Variants in ASB2 observed in about 807,000 individuals in gnomAD.
ASB2 encodes the protein ankyrin repeat and SOCS box containing 2, also known as ankyrin repeat and SOCS box protein 2.
Under a neutral mutation model 62.4 loss-of-function variants are expected in ASB2, and 58 were observed. That is an observed-to-expected ratio of 0.93 (90% CI 0.75 to 1.16). The LOEUF (loss-of-function observed/expected upper bound fraction) is 1.16. Ranked by LOEUF, ASB2 falls within the 50% of genes most tolerant of loss-of-function variation. The pLI is 0.00. For synonymous variants in ASB2, 386 were observed against 385.3 expected, an observed-to-expected ratio of 1.00 and a Z score of -0.02; for missense variants, 928 against 887.9, an observed-to-expected ratio of 1.05 and a Z score of -0.57.
In ASB2 at chr14:93,946,973, G is replaced by A. The variant is rs138882411; in HGVS notation, c.1052+376C>T. 7.2e-5 allele frequency among the ~76,000 whole-genome samples: 11 copies of A among 152,312 alleles called. No individual in the cohort carries two copies. In the East Asian group the frequency reaches 1.7e-3, roughly 24 times the overall value. On this transcript the variant is annotated intron_variant, in intron 7 of 9. Transcript: ENST00000555019. ...GAGCAGGTGAGTACCTGCCGCCTAT[G>A]AGCTGTGTGACCTTGGGCAAGTCAC... is the stretch of plus-strand genomic sequence containing the variant.
chr14:93,944,726 G>A (rs184411725), intron 7 of ASB2, among the ~76,000 whole-genome samples: 3 of 152,196 alleles, frequency 2.0e-5, no homozygotes, highest in Non-Finnish European at 2.9e-5. Context: ...AATGGGGCCC[G>A]GGGGTGGAGG....
chr14:93,946,618 C>T (rs73337620), intron 7 of ASB2, among the ~76,000 whole-genome samples: 2,910 of 152,302 alleles, frequency 0.019, 105 homozygotes, highest in African/African-American at 0.066. Flanking sequence ...CCTCTAGCCC[C>T]GGCTCGTCTG....
intron 1 of ASB2, among the ~76,000 whole-genome samples, chr14:93,965,777 T>G (rs1481672979): frequency 6.6e-6 from 1 of 152,272 alleles, no homozygotes; most frequent in Non-Finnish European, 1.5e-5. Flanking sequence ...GGTCTCAATA[T>G]GCATGACTTG....
At chr14:93,939,738 C>A (rs1888445310) in intron 7 of ASB2, 66 bp from the exon 8 acceptor site, 1 of 1,256,374 alleles carries the variant, frequency 8.0e-7, no homozygotes, top group Non-Finnish European at 1.0e-6. Context: ...GGGCCGGCCC[C>A]GCCAGCAGGA....
intron 3 of ASB2, among the ~76,000 whole-genome samples, chr14:93,956,189 C>T (rs186248945): frequency 0.011 from 1,730 of 152,250 alleles, 14 homozygotes; most frequent in Non-Finnish European, 0.018. Flanking sequence ...TTCTAAGGAG[C>T]GCATTAGCCC....
intron 5 of ASB2, among the ~76,000 whole-genome samples, chr14:93,952,539 T>C (rs959049149): frequency 2.6e-5 from 4 of 152,240 alleles, no homozygotes; most frequent in African/African-American, 9.6e-5. Flanking sequence ...AGACCCCAGC[T>C]GATTGCTTCA....
chr14:93,955,287 C>T (rs1889145270), intron 3 of ASB2: 1 of 401,194 alleles, frequency 2.5e-6, no homozygotes, highest in Non-Finnish European at 5.0e-6. Flanking sequence ...GTCTCTGCCA[C>T]CAGCCCCTGC....
intron 6 of ASB2, among the ~76,000 whole-genome samples, chr14:93,949,479 A>G (rs1888868173): frequency 6.6e-6 from 1 of 152,346 alleles, no homozygotes; most frequent in African/African-American, 2.4e-5. Flanking sequence ...CTCTCAGCGC[A>G]GTGCCTGCCA....
chr14:93,957,142 T>TC (rs1889254762), intron 2 of ASB2: 1 of 801,200 alleles, frequency 1.2e-6, no homozygotes, highest in African/African-American at 2.0e-5. Context: ...CACCCCCCGG[T>TC]CCCCCTCCCC....
chr14:93,943,779 G>T (rs1379670164), intron 7 of ASB2: 1 of 357,740 alleles, frequency 2.8e-6, no homozygotes, highest in East Asian at 7.4e-5. Context: ...TGAGCTCTGA[G>T]CCTCAGTTTC....
chr14:93,956,908 A>G lies in ASB2; in HGVS notation c.207-38T>C, dbSNP rs1380535951. On this transcript the variant is annotated intron_variant, in intron 2 of 9. Coordinates refer to ENST00000555019, the MANE Select transcript of ASB2 (RefSeq NM_001202429.2). The stretch of plus-strand genomic sequence containing the variant: ...GAGCAGGAGTGAAAGAGGGAAAAGT[A>G]CTCTGCATAGGAGAAGCGGGTCATG... 3 of 1,613,796 alleles carry G rather than the reference A, an allele frequency of 1.9e-6. No individual in the cohort carries two copies. The African/African-American group carries it at 4.0e-5, about 22-fold the overall frequency.
In ASB2 at chr14:93,975,622, C is replaced by T. The variant is rs183093006; in HGVS notation, c.-74+812G>A. Reference sequence around the variant, plus strand: ...TCTTGCTTGGCCTGGAAGGATGTGCCTCTCCCTCTGGCCTCCCCTTCTAGC... The same window carrying T: ...TCTTGCTTGGCCTGGAAGGATGTGCTTCTCCCTCTGGCCTCCCCTTCTAGC... On this transcript the variant is annotated intron_variant, in intron 1 of 9. Coordinates refer to ENST00000555019, the MANE Select transcript of ASB2 (RefSeq NM_001202429.2). Among the ~76,000 whole-genome samples, 302 of 152,110 alleles carry T rather than the reference C, an allele frequency of 2.0e-3. 1 individual carries two copies. The highest frequency in any genetic ancestry group is 4.8e-3 in the South Asian group (23 of 4,826).
intron 6 of ASB2, among the ~76,000 whole-genome samples, chr14:93,948,716 T>C (rs1888835354): frequency 6.6e-6 from 1 of 151,312 alleles, no homozygotes; most frequent in Admixed American, 6.5e-5. Context: ...GCAGATCACT[T>C]GAGCTCAGGA....
At chr14:93,955,886 G>A (rs1012804577) in intron 3 of ASB2, among the ~76,000 whole-genome samples, 18 of 152,208 alleles carry the variant, frequency 1.2e-4, no homozygotes, top group African/African-American at 4.1e-4. Flanking sequence ...AGAGGGGACA[G>A]CGACTCTCAG....
chr14:93,971,853 G>A (rs375191665), intron 1 of ASB2, among the ~76,000 whole-genome samples: 4 of 151,880 alleles, frequency 2.6e-5, no homozygotes, highest in African/African-American at 7.2e-5. Context: ...AGCAACCACC[G>A]GATGTTTTTC....
At chr14:93,960,006 G>A (rs1291916001) in intron 2 of ASB2, among the ~76,000 whole-genome samples, 1 of 138,952 alleles carries the variant, frequency 7.2e-6, no homozygotes, top group Non-Finnish European at 1.5e-5. Flanking sequence ...CCCATGCCAC[G>A]AGTCCACCCC....
chr14:93,972,542 G>A (rs1294310163), intron 1 of ASB2, among the ~76,000 whole-genome samples: 1 of 152,198 alleles, frequency 6.6e-6, no homozygotes, highest in Non-Finnish European at 1.5e-5. Flanking sequence ...GGAGACTAAG[G>A]CCTGGAATGT....
chr14:93,956,148 G>A (rs540493970), intron 3 of ASB2, among the ~76,000 whole-genome samples: 1 of 152,292 alleles, frequency 6.6e-6, no homozygotes, highest in African/African-American at 2.4e-5. Context: ...CTATTCCAGG[G>A]GTACAGAGAG....
At chr14:93,968,295 T>C (rs970560629) in intron 1 of ASB2, 6 of 152,218 alleles carry the variant, frequency 3.9e-5, no homozygotes, top group African/African-American at 1.4e-4. Context: ...CACACAGCCC[T>C]GGAAGGTAGG....
Sources: allele counts gnomAD v4.1 joint callset (sites outside exome capture counted in the v4.1 genomes callset), GRCh38; gene constraint gnomAD v4.1.1; transcripts MANE v1.5; gene names NCBI Gene and HGNC (gene_info 2026-07-23, HGNC 2026-07-21).